RIMS2: variants seen among roughly 807,000 people sequenced by gnomAD.
The protein encoded by RIMS2 is regulating synaptic membrane exocytosis protein 2.
RIMS2 carries 59 observed loss-of-function variants against 174.4 expected under a neutral mutation model. That is an observed-to-expected ratio of 0.34 (90% CI 0.27 to 0.42). The LOEUF is 0.42. Among genes scored for constraint, RIMS2 ranks in the 10% least tolerant of loss-of-function variants. RIMS2 has a pLI of 1.00. For synonymous variants in RIMS2, 606 were observed against 572.5 expected (o/e 1.06, Z -0.84); for missense variants, 1,620 against 1,666.3 (o/e 0.97, Z 0.48).
chr8:104,009,987 T>TGG lies in RIMS2; in HGVS notation c.3045-3455_3045-3454insGG, dbSNP rs1565826883. ...TATCATTGTGAAAGATATGGATGGA[T>TGG]AGATGGATGGATGGATGGATGGATG... On this transcript the variant is annotated intron_variant, in intron 17 of 23. Transcript: ENST00000504942. 5.3e-3 allele frequency among the ~76,000 whole-genome samples: 214 copies of TGG among 40,522 alleles called. 2 individuals are homozygous for TGG. Among genetic ancestry groups the TGG allele is most frequent in the African/African-American group, 0.02 (182 of 8,880 alleles). 26.6% of individuals were successfully genotyped at this position (40,522 alleles called of 152,430 possible).
At chr8:103,939,779 A>G (rs2082112487) in intron 13 of RIMS2, among the ~76,000 whole-genome samples, 1 of 152,186 alleles carries the variant, frequency 6.6e-6, no homozygotes, top group Non-Finnish European at 1.5e-5. Context: ...TTGTTCCACC[A>G]GATAGCCTAA....
chr8:103,844,530 T>C (rs2098957843), intron 3 of RIMS2, among the ~76,000 whole-genome samples: 1 of 152,184 alleles, frequency 6.6e-6, no homozygotes, highest in Non-Finnish European at 1.5e-5. Context: ...TCAAGTCCTC[T>C]CTTTTAAAAA....
chr8:103,810,123 A>G (rs924996474), intron 3 of RIMS2, among the ~76,000 whole-genome samples: 1 of 152,176 alleles, frequency 6.6e-6, no homozygotes, highest in Non-Finnish European at 1.5e-5. Flanking sequence ...CCTTTGTCAC[A>G]GGACTAATTC....
At chr8:103,841,974 A>C (rs2154487126) in intron 3 of RIMS2, among the ~76,000 whole-genome samples, 1 of 152,152 alleles carries the variant, frequency 6.6e-6, no homozygotes, top group Non-Finnish European at 1.5e-5. Context: ...AAAGAAAAAA[A>C]AAAGAAAAAA....
chr8:103,728,273 G>C (rs571200966), intron 2 of RIMS2, among the ~76,000 whole-genome samples: 2 of 152,114 alleles, frequency 1.3e-5, no homozygotes, highest in African/African-American at 4.8e-5. Flanking sequence ...ACTGATTTTT[G>C]TATGTTGATT....
At chr8:104,073,282 T>C (rs2097226480) in intron 19 of RIMS2, among the ~76,000 whole-genome samples, 1 of 152,198 alleles carries the variant, frequency 6.6e-6, no homozygotes, top group African/African-American at 2.4e-5. Context: ...ATATGAGCTT[T>C]AGTTTTTAAA....
intron 3 of RIMS2, among the ~76,000 whole-genome samples, chr8:103,827,700 C>T (rs2098800018): frequency 1.3e-5 from 2 of 152,018 alleles, no homozygotes; most frequent in South Asian, 4.2e-4. Flanking sequence ...CTGGGCGTGG[C>T]CGTGTGTGTC....
chr8:104,013,385 C>T (rs2095816865), intron 17 of RIMS2, 57 bp from the exon 20 acceptor site: 1 of 1,420,476 alleles, frequency 7.0e-7, no homozygotes, highest in Non-Finnish European at 9.8e-7. Context: ...TGCATCATAA[C>T]CAAATAGCAG....
intron 19 of RIMS2, among the ~76,000 whole-genome samples, chr8:104,126,411 T>C (rs760838280): frequency 6.6e-6 from 1 of 152,160 alleles, no homozygotes; most frequent in African/African-American, 2.4e-5. Context: ...ATAGGTACAA[T>C]CTGATTTTAA....
chr8:103,568,783 C>A, intron 1 of RIMS2: 1 of 1,136,050 alleles, frequency 8.8e-7, no homozygotes, highest in Admixed American at 1.7e-5. Flanking sequence ...ACATGAATGT[C>A]TTTTGCTGTT....
chr8:103,871,256 C>T (rs929157751), intron 3 of RIMS2, among the ~76,000 whole-genome samples: 25 of 151,928 alleles, frequency 1.6e-4, no homozygotes, highest in Admixed American at 9.8e-4. Context: ...TAAAAATATG[C>T]GGTGGAGAGC....
intron 17 of RIMS2, among the ~76,000 whole-genome samples, chr8:103,994,269 T>G (rs1238297113): frequency 1.3e-5 from 2 of 152,132 alleles, no homozygotes; most frequent in Non-Finnish European, 1.5e-5. Context: ...TTAAAGGTTA[T>G]ATTGCTTAAG....
chr8:103,719,201 A>G (rs2097414704), intron 2 of RIMS2, among the ~76,000 whole-genome samples: 1 of 152,218 alleles, frequency 6.6e-6, no homozygotes, highest in African/African-American at 2.4e-5. Flanking sequence ...GGAAAGGCCA[A>G]GAGCACTGGA....
intron 14 of RIMS2, among the ~76,000 whole-genome samples, chr8:103,951,220 C>G (rs942990029): frequency 6.6e-6 from 1 of 152,174 alleles, no homozygotes; most frequent in South Asian, 2.1e-4. Flanking sequence ...GAACATACTT[C>G]AAAATAATGA....
intron 17 of RIMS2, among the ~76,000 whole-genome samples, chr8:103,994,123 A>T (rs1441894966): frequency 6.6e-6 from 1 of 151,454 alleles, no homozygotes; most frequent in Non-Finnish European, 1.5e-5. Flanking sequence ...CTATAGTTTT[A>T]CTTAAGAATG....
chr8:103,745,815 T>C (rs914343456), intron 2 of RIMS2, among the ~76,000 whole-genome samples: 1 of 152,222 alleles, frequency 6.6e-6, no homozygotes, highest in Non-Finnish European at 1.5e-5. Context: ...GGGTTGTTGT[T>C]GGGTTGTAAG....
intron 19 of RIMS2, among the ~76,000 whole-genome samples, chr8:104,239,153 T>C (rs1476683682): frequency 6.6e-6 from 1 of 152,196 alleles, no homozygotes; most frequent in Non-Finnish European, 1.5e-5. Flanking sequence ...CTTAAAATAG[T>C]TTCCAAGTCA....
chr8:103,679,416 A>G lies in RIMS2; in HGVS notation c.177-17670A>G, dbSNP rs187745272. Reference sequence around the variant, plus strand: ...GAAATTCACAGTGGTATGACCTCACAGTGGCAAGTGTTGGAAATCCTAGTA... The same window carrying G: ...GAAATTCACAGTGGTATGACCTCACGGTGGCAAGTGTTGGAAATCCTAGTA... On this transcript the variant is annotated intron_variant, in intron 1 of 23. Transcript: ENST00000504942. 2.4e-4 allele frequency among the ~76,000 whole-genome samples: 37 copies of G among 152,174 alleles called. 1 individual carries two copies. The highest frequency in any genetic ancestry group is 2.4e-3 in the Admixed American group (36 of 15,262).
At chr8:104,162,885 T>G (rs901753750) in intron 19 of RIMS2, among the ~76,000 whole-genome samples, 1 of 152,168 alleles carries the variant, frequency 6.6e-6, no homozygotes, top group African/African-American at 2.4e-5. Flanking sequence ...AAATGCAATT[T>G]TAAGGCCATT....
Sources: allele counts gnomAD v4.1 joint callset (sites outside exome capture counted in the v4.1 genomes callset), GRCh38; gene constraint gnomAD v4.1.1; transcripts MANE v1.5; gene names NCBI Gene and HGNC (gene_info 2026-07-23, HGNC 2026-07-21).